ALDH8A1: variants seen among roughly 807,000 people sequenced by gnomAD.
ALDH8A1 encodes aldehyde dehydrogenase 8 family member A1, also known as 2-aminomuconic semialdehyde dehydrogenase.
In ALDH8A1, 39 loss-of-function variants were observed where a neutral mutation model predicts 43.3. That is an observed-to-expected ratio of 0.90 (90% CI 0.70 to 1.18). The LOEUF is 1.18. ALDH8A1 is among the 50% of genes most tolerant of loss of function. The probability of loss-of-function intolerance (pLI) is 0.00; values close to 1 mark genes in which losing one functional copy is unlikely to be tolerated. For missense variants in ALDH8A1, 605 were observed against 622.6 expected (o/e 0.97, Z 0.30); for synonymous variants, 233 against 243.5 (o/e 0.96, Z 0.40).
chr6:134,929,275 C>T (rs1313128612), intron 5 of ALDH8A1, 60 bp from the exon 6 acceptor site: 2 of 1,567,612 alleles, frequency 1.3e-6, no homozygotes, highest in African/African-American at 2.7e-5. Context: ...ATAGAGCACC[C>T]TGCACTTTTG....
rs1777012734 is a variant in ALDH8A1 at position 134,932,983 on chromosome 6, C to G, written c.642G>C (p.Val214=). The part of the protein sequence containing the change: ...VNIVFGTGPR[V]GEALVSHPEV... ...CTGGGTGGGACACCAGGGCCTCACC[C>G]ACCCTGGGCCCGGTTCCAAACACAA... is the stretch of plus-strand genomic sequence containing the variant. Residue 214 remains valine, a synonymous_variant, in exon 5 of 7, where the codon GTG becomes GTC. Coordinates refer to ENST00000265605, the MANE Select transcript of ALDH8A1 (RefSeq NM_022568.4). The G allele has an allele frequency of 3.7e-6, 6 of 1,609,594 alleles. No homozygotes were observed. The highest frequency in any genetic ancestry group is 4.2e-6 in the Non-Finnish European group (5 of 1,177,742).
intron 6 of ALDH8A1, among the ~76,000 whole-genome samples, chr6:134,924,986 G>A (rs1776861042): frequency 6.6e-6 from 1 of 152,100 alleles, no homozygotes; most frequent in African/African-American, 2.4e-5. Context: ...TGATTCTTGA[G>A]AAACACAAGA....
chr6:134,925,875 C>T (rs1776874088), intron 6 of ALDH8A1, among the ~76,000 whole-genome samples: 1 of 152,124 alleles, frequency 6.6e-6, no homozygotes, highest in Non-Finnish European at 1.5e-5. Flanking sequence ...GCCATGCGTG[C>T]ATCTGAAGGA....
chr6:134,938,755 C>T (rs1403365787), intron 4 of ALDH8A1, among the ~76,000 whole-genome samples: 1 of 152,152 alleles, frequency 6.6e-6, no homozygotes, highest in East Asian at 1.9e-4. Flanking sequence ...TCATGCCATT[C>T]TCCTGCCTCA....
Position 134,942,522 on chromosome 6 carries a change from G to T in ALDH8A1, c.329C>A (p.Ser110Tyr). 6.2e-7 allele frequency: 1 copy of T among 1,614,176 alleles called. No homozygotes were observed. The highest frequency in any genetic ancestry group is 1.3e-5 in the African/African-American group (1 of 75,054). Reference sequence around the variant, plus strand: ...AGCGAAGAACCTGAAGTTCTGCACAGACCGGGGAATGTCCATGGTTCTTGC... The same window carrying T: ...AGCGAAGAACCTGAAGTTCTGCACATACCGGGGAATGTCCATGGTTCTTGC... The part of the protein sequence containing the change: ...ALARTMDIPR[S>Y]VQNFRFFASS... The change falls in exon 3 of 7, where the codon TCT (serine) becomes TAT (tyrosine). Residue 110 changes from serine to tyrosine, a missense_variant. Ser to Tyr is a moderately radical substitution (Grantham distance 144). Coordinates refer to ENST00000265605, the MANE Select transcript of ALDH8A1 (RefSeq NM_022568.4).
chr6:134,943,899 C>T lies in ALDH8A1; in HGVS notation c.206G>A (p.Arg69His), dbSNP rs142480439. 7.4e-6 allele frequency: 12 copies of T among 1,614,116 alleles called. No individual in the cohort carries two copies. The highest frequency in any genetic ancestry group is 2.2e-5 in the East Asian group (1 of 44,898). Reference sequence around the variant, plus strand: ...CGCCACCTGGTTCAGGACCCGTGAGCGCTCCTGGGGGCTGCGGGATGACCA... The same window carrying T: ...CGCCACCTGGTTCAGGACCCGTGAGTGCTCCTGGGGGCTGCGGGATGACCA... ...PSWSSRSPQE[R>H]SRVLNQVADL... The change falls in exon 2 of 7, where the codon CGC becomes CAC. Residue 69 changes from arginine (R) to histidine (H), a missense_variant. By Grantham distance (29) the Arg-to-His change is conservative (BLOSUM62 0). Transcript: ENST00000265605.
chr6:134,950,026 G>C lies in ALDH8A1; in HGVS notation c.28C>G (p.Leu10Val). The change falls in exon 1 of 7, where the codon CTG (leucine) becomes GTG (valine). Residue 10 changes from leucine to valine, a missense_variant. Physicochemically the swap from Leu to Val is conservative, Grantham distance 32 (BLOSUM62 1). Coordinates refer to ENST00000265605, the MANE Select transcript of ALDH8A1 (RefSeq NM_022568.4). The part of the protein sequence containing the change: MAGTNALLM[L>V]ENFIDGKFLP... ...AATTTTCCATCTATGAAGTTTTCCA[G>C]CATCAAAAGTGCGTTTGTTCCAGCC... 1 of 1,612,590 alleles carries C rather than the reference G, an allele frequency of 6.2e-7. No homozygotes were observed. The highest frequency in any genetic ancestry group is 1.3e-5 in the African/African-American group (1 of 75,000).
chr6:134,946,147 T>A (rs1773945617), intron 1 of ALDH8A1, among the ~76,000 whole-genome samples: 1 of 152,208 alleles, frequency 6.6e-6, no homozygotes, highest in Non-Finnish European at 1.5e-5. Flanking sequence ...TAGAACGAAC[T>A]AATACAGTCA....
In ALDH8A1 at chr6:134,932,812, G is replaced by T; in HGVS notation, c.813C>A (p.Cys271Ter). Residue 271 changes from cysteine (C) to a stop codon, truncating the protein, a stop_gained, in exon 5 of 7, where the codon TGC becomes TGA. Transcript: ENST00000265605. LOFTEE classifies it high-confidence loss of function. The stretch of plus-strand genomic sequence containing the variant: ...AGCTGGACCTGACGGTTGCCGGAAT[G>T]CACTCATCCAGGTTGGCGTCCTCAA... ...IIFEDANLDE[C>*]IPATVRSSFA... is the part of the protein sequence containing the mutation. The T allele has an allele frequency of 5.0e-6, 8 of 1,614,212 alleles. No individual in the cohort carries two copies. The highest frequency in any genetic ancestry group is 6.8e-6 in the Non-Finnish European group (8 of 1,180,032).
At chr6:134,920,653 C>T (rs11962153) in intron 6 of ALDH8A1, among the ~76,000 whole-genome samples, 7,755 of 152,180 alleles carry the variant, frequency 0.051, 661 homozygotes, top group African/African-American at 0.17. Context: ...TATAAGGTGA[C>T]TCACACTAAT....
intron 5 of ALDH8A1, among the ~76,000 whole-genome samples, chr6:134,930,211 G>A (rs1467828721): frequency 6.6e-6 from 1 of 152,176 alleles, no homozygotes; most frequent in Non-Finnish European, 1.5e-5. Flanking sequence ...TTGTTCCCTG[G>A]AAGGGCAGAC....
At chr6:134,948,292 T>C (rs1773988126) in intron 1 of ALDH8A1, among the ~76,000 whole-genome samples, 1 of 152,208 alleles carries the variant, frequency 6.6e-6, no homozygotes, top group East Asian at 1.9e-4. Flanking sequence ...AATACAAAAA[T>C]ATGGTTAAAA....
chr6:134,927,389 A>C (rs911172374), intron 6 of ALDH8A1, among the ~76,000 whole-genome samples: 5 of 152,216 alleles, frequency 3.3e-5, no homozygotes, highest in Non-Finnish European at 7.3e-5. Context: ...GAAAGTCCAC[A>C]GGAATTACAA....
At chr6:134,946,759 T>C (rs971864265) in intron 1 of ALDH8A1, among the ~76,000 whole-genome samples, 2 of 80,468 alleles carry the variant, frequency 2.5e-5, no homozygotes, top group Non-Finnish European at 6.2e-5. Flanking sequence ...AAATGTGCTA[T>C]GCACACAGGT....
At chr6:134,937,001 T>A (rs1017156944) in intron 4 of ALDH8A1, among the ~76,000 whole-genome samples, 1 of 151,894 alleles carries the variant, frequency 6.6e-6, no homozygotes, top group Admixed American at 6.6e-5. Flanking sequence ...AAGAAAAATT[T>A]TAGGCTTAAA....
At chr6:134,935,212 C>T in intron 4 of ALDH8A1, among the ~76,000 whole-genome samples, 1 of 152,218 alleles carries the variant, frequency 6.6e-6, no homozygotes, top group Non-Finnish European at 1.5e-5. Flanking sequence ...GCACATGGAA[C>T]TCAGACCAGT....
intron 1 of ALDH8A1, 156 bp from the exon 2 acceptor site, chr6:134,944,122 C>T: frequency 9.4e-7 from 1 of 1,064,406 alleles, no homozygotes; most frequent in Non-Finnish European, 1.3e-6. Flanking sequence ...GCCTGGAGGG[C>T]AGTGGCGCAA....
chr6:134,942,682 G>T (rs947154612), intron 2 of ALDH8A1, 118 bp from the exon 3 acceptor site: 2 of 1,014,840 alleles, frequency 2.0e-6, no homozygotes, highest in East Asian at 5.3e-5. Flanking sequence ...TCTAGCCCGG[G>T]GCAGGCATTC....
chr6:134,944,097 T>A, intron 1 of ALDH8A1, 131 bp from the exon 2 acceptor site: 1 of 1,263,926 alleles, frequency 7.9e-7, no homozygotes, highest in Non-Finnish European at 1.1e-6. Context: ...AGATGGATTC[T>A]CACTCTGTAG....
Sources: allele counts gnomAD v4.1 joint callset (sites outside exome capture counted in the v4.1 genomes callset), GRCh38; gene constraint gnomAD v4.1.1; transcripts MANE v1.5; gene names NCBI Gene and HGNC (gene_info 2026-07-23, HGNC 2026-07-21).